HEATR5B: variants seen among roughly 807,000 people sequenced by gnomAD.
The protein encoded by HEATR5B is HEAT repeat-containing protein 5B.
A neutral mutation model predicts 224.1 loss-of-function variants in HEATR5B; 156 were observed. The observed-to-expected ratio is 0.70, with a 90% CI of 0.61 to 0.80. The LOEUF (loss-of-function observed/expected upper bound fraction) is 0.80, where lower values mean the gene tolerates loss of function less well. Ranked by LOEUF, HEATR5B falls within the 30% of genes least tolerant of loss-of-function variation. HEATR5B has a pLI of 0.00. For synonymous variants in HEATR5B, 1,027 were observed against 893.0 expected (o/e 1.15, Z -2.68); for missense variants, 2,323 against 2,535.5 (o/e 0.92, Z 1.80).
intron 1 of HEATR5B, among the ~76,000 whole-genome samples, 191 bp from the exon 2 acceptor site, chr2:37,083,627 T>G (rs1672764252): frequency 6.6e-6 from 1 of 152,036 alleles, no homozygotes; most frequent in Admixed American, 6.5e-5. Context: ...AGAAAACTAC[T>G]TGGTAAGGAA....
chr2:37,057,738 C>T (rs1671002100), intron 14 of HEATR5B, among the ~76,000 whole-genome samples: 1 of 151,684 alleles, frequency 6.6e-6, no homozygotes, highest in African/African-American at 2.4e-5. Context: ...GAGGCGGGTG[C>T]CATAGCATGC....
At chr2:37,026,790 C>T (rs1320236271) in intron 24 of HEATR5B, among the ~76,000 whole-genome samples, 1 of 152,146 alleles carries the variant, frequency 6.6e-6, no homozygotes, top group East Asian at 1.9e-4. Context: ...ACATGTTGTA[C>T]TACTGTTTTA....
chr2:37,024,472 T>C (rs926745510), intron 24 of HEATR5B, among the ~76,000 whole-genome samples: 1 of 152,242 alleles, frequency 6.6e-6, no homozygotes, highest in African/African-American at 2.4e-5. Flanking sequence ...AATGTATGCA[T>C]ACTTCAAAAC....
intron 20 of HEATR5B, 28 bp from the exon 21 acceptor site, chr2:37,038,052 A>C: frequency 7.1e-7 from 1 of 1,411,398 alleles, no homozygotes; most frequent in East Asian, 2.7e-5. Context: ...AAAATATAAA[A>C]TATAATTATT....
intron 13 of HEATR5B, 151 bp from the exon 14 acceptor site, chr2:37,058,711 C>A: frequency 2.9e-6 from 2 of 691,390 alleles, no homozygotes; most frequent in South Asian, 2.0e-5. Context: ...GTAACAAAAA[C>A]ACTTTAAGAT....
rs1671946937 is a variant in HEATR5B, at chr2:37,072,193, T to G, written c.686A>C (p.Asn229Thr). The change falls in exon 6 of 36, where the codon AAC becomes ACC. Residue 229 changes from asparagine to threonine, a missense_variant. Physicochemically the swap from Asn to Thr is moderately conservative, Grantham distance 65. This residue lies in a region of HEATR5B where 292 missense variants were observed against 332.6 expected (regional missense o/e 0.88). Coordinates refer to ENST00000233099, the MANE Select transcript of HEATR5B (RefSeq NM_019024.3). ...TGCCACTCGTACCCCATAATTTGAG[T>G]TTTCCAAAGCCTTAAAGCAGAGAGT... ...IATLCFKALE[N>T]SNYGVRVAVS... The G allele has an allele frequency of 6.2e-7, 1 of 1,613,952 alleles. No homozygotes were observed. The highest frequency in any genetic ancestry group is 8.5e-7 in the Non-Finnish European group (1 of 1,179,886).
intron 18 of HEATR5B, among the ~76,000 whole-genome samples, chr2:37,047,049 A>AAAAAC: frequency 6.6e-6 from 1 of 150,468 alleles, no homozygotes; most frequent in African/African-American, 2.4e-5. Flanking sequence ...AAAAAAAAAA[A>AAAAAC]AAAAAAAAAA....
intron 2 of HEATR5B, among the ~76,000 whole-genome samples, chr2:37,082,164 G>C (rs1040668221): frequency 1.5e-5 from 2 of 132,526 alleles, no homozygotes; most frequent in African/African-American, 5.6e-5. Flanking sequence ...CTGCCTTTCC[G>C]GCTCAAGCGA....
chr2:37,076,570 T>C (rs1672244367), intron 4 of HEATR5B, among the ~76,000 whole-genome samples: 1 of 151,812 alleles, frequency 6.6e-6, no homozygotes, highest in Admixed American at 6.6e-5. Flanking sequence ...GACAATAAAT[T>C]GTTGTTGTTT....
At chr2:36,994,275 G>T (rs2148347130) in intron 33 of HEATR5B, among the ~76,000 whole-genome samples, 1 of 152,286 alleles carries the variant, frequency 6.6e-6, no homozygotes, top group South Asian at 2.1e-4. Context: ...GTTTTTTAAA[G>T]TTTGAAATTT....
At chr2:37,067,830 A>C (rs1309714239) in intron 8 of HEATR5B, among the ~76,000 whole-genome samples, 1 of 152,182 alleles carries the variant, frequency 6.6e-6, no homozygotes, top group Non-Finnish European at 1.5e-5. Context: ...CATTATAAAC[A>C]ACAAAAACTA....
chr2:37,060,119 T>C (rs1050136067), intron 12 of HEATR5B, among the ~76,000 whole-genome samples: 1 of 152,228 alleles, frequency 6.6e-6, no homozygotes, highest in Non-Finnish European at 1.5e-5. Flanking sequence ...TTTTGTAATG[T>C]TGATATCTGA....
At chr2:37,010,500 CT>C (rs1270263666) in intron 27 of HEATR5B, among the ~76,000 whole-genome samples, 2 of 150,114 alleles carry the variant, frequency 1.3e-5, no homozygotes, top group Non-Finnish European at 3.0e-5. Context: ...TGTTTCCCCC[CT>C]AAATTTGTTA....
intron 27 of HEATR5B, among the ~76,000 whole-genome samples, chr2:37,011,707 T>G (rs867502891): frequency 6.6e-6 from 1 of 152,232 alleles, no homozygotes. Flanking sequence ...TTTCCTACAG[T>G]TGAAATTTTA....
At position 37,041,292 on chromosome 2, in the gene HEATR5B, C is replaced by A. The variant is rs1306059314; in HGVS notation, c.2697G>T (p.Lys899Asn). Residue 899 changes from lysine (K) to asparagine (N), a missense_variant and splice_region_variant, in exon 19 of 36, where the codon AAG (lysine) becomes AAT (asparagine). Physicochemically the swap from Lys to Asn is moderately conservative, Grantham distance 94. Around this residue, in one of 12 missense-constraint regions of HEATR5B, gnomAD observed 170 missense variants for 216.7 expected, o/e 0.78. Transcript: ENST00000233099. ...IARMAQYSFD[K>N]LKSARDVVSR... ...ATACAACATCTCGAGCCGATTTCAA[C>A]CTGAAAAAAAGATTATGCTTCAAGC... 1.9e-6 allele frequency: 3 copies of A among 1,613,134 alleles called. No homozygotes were observed. Among genetic ancestry groups the A allele is most frequent in the Non-Finnish European group, 2.5e-6 (3 of 1,179,574 alleles).
At chr2:37,038,584 G>C (rs1105014) in intron 20 of HEATR5B, among the ~76,000 whole-genome samples, 84,321 of 152,046 alleles carry the variant, frequency 0.55, 24,202 homozygotes, top group African/African-American at 0.7. Flanking sequence ...CATATTTATC[G>C]TCTTCATATC....
intron 3 of HEATR5B, among the ~76,000 whole-genome samples, chr2:37,077,860 A>G (rs1386726454): frequency 6.6e-6 from 1 of 152,206 alleles, no homozygotes; most frequent in Non-Finnish European, 1.5e-5. Flanking sequence ...AAATAATACT[A>G]TACTATTAGT....
chr2:37,051,468 C>T (rs967390533), intron 17 of HEATR5B, among the ~76,000 whole-genome samples: 6 of 151,600 alleles, frequency 4.0e-5, no homozygotes, highest in African/African-American at 1.5e-4. Flanking sequence ...ACTTACCATC[C>T]TGGAACTTTA....
chr2:37,038,105 C>A, intron 20 of HEATR5B, 81 bp from the exon 21 acceptor site: 1 of 937,706 alleles, frequency 1.1e-6, no homozygotes, highest in Non-Finnish European at 1.5e-6. Flanking sequence ...CAATTATCCT[C>A]TAAATAACCA....
Sources: gnomAD v4.1 joint callset for allele counts (sites outside exome capture counted in the v4.1 genomes callset) on GRCh38, gnomAD v4.1.1 for gene constraint, gnomAD v4.1.1 regional missense constraint, MANE v1.5 for transcripts, NCBI Gene and HGNC (gene_info 2026-07-23, HGNC 2026-07-21) for gene names.